Variants in LRRC40 observed in about 807,000 individuals in gnomAD.
LRRC40 encodes the protein leucine-rich repeat-containing protein 40.
Under a neutral mutation model 72.8 loss-of-function variants are expected in LRRC40, and 76 were observed. The observed-to-expected ratio is 1.04, with a 90% CI of 0.87 to 1.26. The LOEUF (loss-of-function observed/expected upper bound fraction) is 1.26, where lower values mean the gene tolerates loss of function less well. Ranked by LOEUF, LRRC40 falls within the 50% of genes most tolerant of loss-of-function variation. The probability of loss-of-function intolerance (pLI) is 0.00; values close to 1 mark genes in which losing one functional copy is unlikely to be tolerated. For missense variants in LRRC40, 684 were observed against 698.9 expected (o/e 0.98, Z 0.24); for synonymous variants, 243 against 254.2 (o/e 0.96, Z 0.42).
chr1:70,175,771 T>C (rs1422166169), intron 7 of LRRC40, 39 bp downstream of exon 7: 1 of 1,388,036 alleles, frequency 7.2e-7, no homozygotes, highest in East Asian at 2.6e-5. Context: ...TATAACCAAA[T>C]ACAAACACAA....
chr1:70,203,492 A>G (rs1479514854), intron 1 of LRRC40, among the ~76,000 whole-genome samples: 1 of 151,810 alleles, frequency 6.6e-6, no homozygotes, highest in Non-Finnish European at 1.5e-5. Flanking sequence ...ACAGCCTTAA[A>G]CTCCTGGACT....
intron 9 of LRRC40, among the ~76,000 whole-genome samples, chr1:70,166,740 A>G (rs1667888860): frequency 6.6e-6 from 1 of 151,908 alleles, no homozygotes; most frequent in Non-Finnish European, 1.5e-5. Flanking sequence ...TTATATTGAG[A>G]TATTCCTCTT....
intron 10 of LRRC40, among the ~76,000 whole-genome samples, chr1:70,157,844 C>T (rs1441099407): frequency 1.3e-5 from 2 of 151,952 alleles, no homozygotes; most frequent in African/African-American, 2.4e-5. Flanking sequence ...TGGCTTATGC[C>T]TGTAATCCCA....
At chr1:70,161,672 C>T (rs17131238) in intron 9 of LRRC40, among the ~76,000 whole-genome samples, 28,741 of 152,020 alleles carry the variant, frequency 0.19, 3,021 homozygotes, top group South Asian at 0.39. Flanking sequence ...AGAGCTTCAA[C>T]TTATCCCTTT....
At chr1:70,155,592 AAATTTAAAAACCAATATGGAAAAACC>A in intron 11 of LRRC40, 71 bp downstream of exon 11, 1 of 478,726 alleles carries the variant, frequency 2.1e-6, no homozygotes. Context: ...ATATAGTTTT[AAATTTAAAAACCAATATGGAAAAACC>A]AATTTAAAAA....
intron 1 of LRRC40, among the ~76,000 whole-genome samples, chr1:70,198,468 T>C (rs111855116): frequency 2.0e-5 from 3 of 152,280 alleles, no homozygotes; most frequent in African/African-American, 7.2e-5. Context: ...AAAGCAACGA[T>C]CAACACCTCC....
chr1:70,185,059 C>T (rs1339689205), intron 3 of LRRC40, 145 bp from the exon 4 acceptor site: 2 of 585,538 alleles, frequency 3.4e-6, no homozygotes, highest in Non-Finnish European at 2.8e-6. Context: ...AATTCATATC[C>T]AAAAATATGT....
intron 9 of LRRC40, among the ~76,000 whole-genome samples, chr1:70,171,622 G>A (rs1668001686): frequency 6.6e-6 from 1 of 152,006 alleles, no homozygotes; most frequent in Non-Finnish European, 1.5e-5. Flanking sequence ...GCAAATCAAA[G>A]CCACAATAAG....
intron 11 of LRRC40, among the ~76,000 whole-genome samples, chr1:70,154,195 G>C (rs1382005429): frequency 2.0e-5 from 3 of 151,996 alleles, no homozygotes; most frequent in African/African-American, 7.3e-5. Context: ...TTTTTAAAAA[G>C]GGAAAGTGGT....
At chr1:70,159,479 C>T (rs774643350) in intron 9 of LRRC40, 41 bp from the exon 10 acceptor site, 2 of 838,266 alleles carry the variant, frequency 2.4e-6, no homozygotes, top group South Asian at 3.3e-5. Flanking sequence ...ATTTATACTA[C>T]AAAGTCATTG....
chr1:70,181,870 T>C (rs1393478351), intron 4 of LRRC40, among the ~76,000 whole-genome samples: 1 of 152,028 alleles, frequency 6.6e-6, no homozygotes. Context: ...AGAGAACTTT[T>C]TTTTGAAACT....
chr1:70,180,914 C>T (rs1354677482), intron 5 of LRRC40, among the ~76,000 whole-genome samples, 172 bp downstream of exon 5: 4 of 152,112 alleles, frequency 2.6e-5, no homozygotes, highest in African/African-American at 4.8e-5. Context: ...TTTCTTTAGA[C>T]AGTTGATACA....
chr1:70,188,578 CA>C (rs920433396), intron 2 of LRRC40, among the ~76,000 whole-genome samples: 3 of 149,858 alleles, frequency 2.0e-5, no homozygotes, highest in Non-Finnish European at 4.5e-5. Context: ...TCTACACACA[CA>C]AAAAAAAATA....
chr1:70,152,656 T>C, intron 11 of LRRC40, 113 bp from the exon 12 acceptor site: 1 of 655,112 alleles, frequency 1.5e-6, no homozygotes, highest in Non-Finnish European at 2.7e-6. Context: ...TAATTATGAC[T>C]TTTTGTACCT....
At chr1:70,204,416 T>C (rs1007630356) in intron 1 of LRRC40, among the ~76,000 whole-genome samples, 1 of 152,218 alleles carries the variant, frequency 6.6e-6, no homozygotes, top group African/African-American at 2.4e-5. Flanking sequence ...ATGATAGGTA[T>C]GCAAGTTTAG....
intron 9 of LRRC40, among the ~76,000 whole-genome samples, chr1:70,164,929 G>A (rs1667849258): frequency 6.6e-6 from 1 of 152,174 alleles, no homozygotes; most frequent in African/African-American, 2.4e-5. Flanking sequence ...TTGAAAGTCT[G>A]TGATAACCAA....
At chr1:70,192,902 C>T (rs957949404) in intron 1 of LRRC40, among the ~76,000 whole-genome samples, 5 of 151,900 alleles carry the variant, frequency 3.3e-5, no homozygotes, top group Admixed American at 1.3e-4. Flanking sequence ...ATCTGTATAA[C>T]GAACCCCTCT....
chr1:70,169,654 G>A (rs569193145), intron 9 of LRRC40, among the ~76,000 whole-genome samples: 1 of 152,036 alleles, frequency 6.6e-6, no homozygotes, highest in South Asian at 2.1e-4. Flanking sequence ...ATAAACTATG[G>A]CAACTATATG....
intron 13 of LRRC40, 43 bp downstream of exon 13, chr1:70,151,085 C>T (rs763091951): frequency 8.9e-7 from 1 of 1,121,812 alleles, no homozygotes; most frequent in Admixed American, 2.0e-5. Flanking sequence ...GAAAGATCTA[C>T]ATATTTCCAC....
Sources: gnomAD v4.1 joint callset for allele counts (sites outside exome capture counted in the v4.1 genomes callset) on GRCh38, gnomAD v4.1.1 for gene constraint, MANE v1.5 for transcripts, NCBI Gene and HGNC (gene_info 2026-07-23, HGNC 2026-07-21) for gene names.